The following PRR35 variants were observed in gnomAD, a reference collection of about 807,000 sequenced individuals.
The protein encoded by PRR35 is proline rich 35.
In PRR35, 14 loss-of-function variants were observed where a neutral mutation model predicts 18.6. The observed-to-expected ratio is 0.75, with a 90% confidence interval of 0.50 to 1.18. PRR35 has a LOEUF of 1.18. Ranked by LOEUF, PRR35 falls within the 50% of genes most tolerant of loss-of-function variation. PRR35 has a pLI of 0.00. For synonymous variants in PRR35, 425 were observed against 378.2 expected (o/e 1.12, Z -1.43); for missense variants, 832 against 792.2 (o/e 1.05, Z -0.60).
intron 1 of PRR35, among the ~76,000 whole-genome samples, chr16:561,922 C>T (rs962044296): frequency 3.3e-5 from 5 of 152,176 alleles, no homozygotes; most frequent in African/African-American, 9.7e-5. Flanking sequence ...GACAAGCAGC[C>T]GTGTTCACCG....
Position 563,836 on chromosome 16 carries a change from C to A in PRR35, c.542C>A (p.Ala181Glu), listed in dbSNP as rs2035484228. The A allele has an allele frequency of 2.0e-6, 3 of 1,515,686 alleles. No individual in the cohort carries two copies. The African/African-American group carries it at 4.1e-5, about 21-fold the overall frequency. 93.9% of individuals were successfully genotyped at this position (1,515,686 alleles called of 1,614,324 possible). A position where few individuals can be genotyped will look rare whatever the true frequency, so the allele number is the denominator to read the frequency against. ...GTGGGTGCGGGGGACATGGCCTCAG[C>A]AGGCCCTGAGGGCAGCGTCCCCTGC... ...RGVGAGDMAS[A>E]GPEGSVPCYP... Residue 181 changes from alanine to glutamate, a missense_variant, in exon 2 of 3, where the codon GCA (alanine) becomes GAA (glutamate). This residue lies in a region of PRR35 where 768 missense variants were observed against 704.1 expected (regional missense o/e 1.09). Coordinates refer to ENST00000409413, the MANE Select transcript of PRR35 (RefSeq NM_145270.3).
chr16:563,947 G>T lies in PRR35; in HGVS notation c.653G>T (p.Gly218Val). 1 of 1,597,202 alleles carries T rather than the reference G, an allele frequency of 6.3e-7. No individual in the cohort carries two copies. Reference protein sequence around the residue: ...LLGVNYPLSPGLFSYLGPSLA... With the variant: ...LLGVNYPLSPVLFSYLGPSLA... ...GGCGTCAACTACCCGCTCAGCCCCG[G>T]CCTCTTCTCCTACTTGGGGCCCTCA... The change falls in exon 2 of 3, where the codon GGC becomes GTC. Residue 218 changes from glycine to valine, a missense_variant. This residue lies in a region of PRR35 where 768 missense variants were observed against 704.1 expected (regional missense o/e 1.09). Coordinates refer to ENST00000409413, the MANE Select transcript of PRR35 (RefSeq NM_145270.3).
Position 565,442 on chromosome 16 carries a change from C to A in PRR35, c.*135C>A. The A allele has an allele frequency of 1.1e-6, 1 of 938,442 alleles. No individual in the cohort carries two copies. The highest frequency in any genetic ancestry group is 1.5e-6 in the Non-Finnish European group (1 of 684,154). The allele number at this position is 938,442 out of a possible 1,614,324, so 58.1% of individuals were successfully genotyped here. A position where few individuals can be genotyped will look rare whatever the true frequency, so the allele number is the denominator to read the frequency against. On this transcript the variant is annotated 3_prime_UTR_variant, in exon 3 of 3. Coordinates refer to ENST00000409413, the MANE Select transcript of PRR35 (RefSeq NM_145270.3). ...ATAGACCCCCACGGGCCGTGGCCAA[C>A]GCTTGTCCCTGGGGCCACACAGGGA...
At position 565,398 on chromosome 16, in the gene PRR35, C is replaced by A; in HGVS notation, c.*91C>A. The A allele has an allele frequency of 7.6e-7, 1 of 1,319,462 alleles. No homozygotes were observed. The highest frequency in any genetic ancestry group is 1.6e-5 in the South Asian group (1 of 60,686). The allele number at this position is 1,319,462 out of a possible 1,614,324, so 81.7% of individuals were successfully genotyped here. A position where few individuals can be genotyped will look rare whatever the true frequency, so the allele number is the denominator to read the frequency against. On this transcript the variant is annotated 3_prime_UTR_variant, in exon 3 of 3. Transcript: ENST00000409413. ...CCCCTCACCTGCCTGGGACCTGCCCCGCCTCCGCATGCATGTGGATAGACC... is the reference window on the plus strand; with the variant it reads ...CCCCTCACCTGCCTGGGACCTGCCCAGCCTCCGCATGCATGTGGATAGACC...
intron 2 of PRR35, 132 bp downstream of exon 2, chr16:564,508 A>T: frequency 7.0e-7 from 1 of 1,425,226 alleles, no homozygotes; most frequent in South Asian, 1.4e-5. Context: ...GCTCCAGGCC[A>T]CAGAGGGGAA....
chr16:560,758 G>A (rs1200189419), intron 1 of PRR35, 97 bp downstream of exon 1: 4 of 906,112 alleles, frequency 4.4e-6, no homozygotes, highest in East Asian at 1.2e-4. Context: ...CGTGTGGGGG[G>A]CGCGGGGGGC....
chr16:563,160 C>G (rs1208532090), intron 1 of PRR35, 96 bp from the exon 2 acceptor site: 7 of 1,251,110 alleles, frequency 5.6e-6, no homozygotes, highest in Non-Finnish European at 6.4e-6. Flanking sequence ...GGGGAGCACC[C>G]AGGCTCCAGT....
chr16:565,151 G>A lies in PRR35; in HGVS notation c.1560G>A (p.Glu520=), dbSNP rs1480114665. The change falls in exon 3 of 3, where the codon GAG becomes GAA. Residue 520 remains glutamate (E), a synonymous_variant. Transcript: ENST00000409413. ...QPFSGHTTKC[E]ADSSVPPPGL... is the part of the protein sequence containing the mutation. ...TCTCTGGCCACACCACCAAGTGTGA[G>A]GCCGACTCCAGCGTCCCACCCCCAG... The A allele has an allele frequency of 1.2e-6, 2 of 1,610,078 alleles. No homozygotes were observed. The highest frequency in any genetic ancestry group is 1.7e-6 in the Non-Finnish European group (2 of 1,178,766).
intron 1 of PRR35, 192 bp downstream of exon 1, chr16:560,853 G>T (rs1275010895): frequency 1.7e-5 from 3 of 177,124 alleles, no homozygotes; most frequent in Non-Finnish European, 3.3e-5. Context: ...GGCGGGGAGG[G>T]CAGGGGCCGG....
Position 563,649 on chromosome 16 carries a change from G to T in PRR35, c.355G>T (p.Ala119Ser). The change falls in exon 2 of 3, where the codon GCC (alanine) becomes TCC (serine). Residue 119 changes from alanine to serine, a missense_variant. By Grantham distance (99) the Ala-to-Ser change is moderately conservative. Transcript: ENST00000409413. Reference protein sequence around the residue: ...GAAPAPDLVVADIHSLHCGGG... With the variant: ...GAAPAPDLVVSDIHSLHCGGG... ...TGCCCCCGCGCCTGACCTCGTGGTC[G>T]CCGACATCCACTCCCTGCACTGTGG... is the stretch of plus-strand genomic sequence containing the variant. 1 of 1,575,892 alleles carries T rather than the reference G, an allele frequency of 6.3e-7. No individual in the cohort carries two copies.
In PRR35 at chr16:563,651, C is replaced by G; in HGVS notation, c.357C>G (p.Ala119=). ...CCCCCGCGCCTGACCTCGTGGTCGC[C>G]GACATCCACTCCCTGCACTGTGGCG... is the stretch of plus-strand genomic sequence containing the variant. ...GAAPAPDLVV[A]DIHSLHCGGG... Residue 119 remains alanine (A), a synonymous_variant, in exon 2 of 3, where the codon GCC becomes GCG. Coordinates refer to ENST00000409413, the MANE Select transcript of PRR35 (RefSeq NM_145270.3). 1 of 1,575,908 alleles carries G rather than the reference C, an allele frequency of 6.3e-7. No individual in the cohort carries two copies. Among genetic ancestry groups the G allele is most frequent in the Non-Finnish European group, 8.6e-7 (1 of 1,167,916 alleles).
Position 560,530 on chromosome 16 carries a change from C to A in PRR35, c.-171C>A. The A allele has an allele frequency of 1.0e-6, 1 of 982,936 alleles. No individual in the cohort carries two copies. The highest frequency in any genetic ancestry group is 1.2e-6 in the Non-Finnish European group (1 of 828,896). 60.9% of individuals were successfully genotyped at this position (982,936 alleles called of 1,614,324 possible). On this transcript the variant is annotated 5_prime_UTR_variant, in exon 1 of 3. Coordinates refer to ENST00000409413, the MANE Select transcript of PRR35 (RefSeq NM_145270.3). ...GCCTCAGTTTCCCCCACGGGAGCCGCATCCCACCCCCAGAGCCCCAGCGCG... is the reference window on the plus strand; with the variant it reads ...GCCTCAGTTTCCCCCACGGGAGCCGAATCCCACCCCCAGAGCCCCAGCGCG...
chr16:565,032 G>C lies in PRR35; in HGVS notation c.1441G>C (p.Gly481Arg). The change falls in exon 3 of 3, where the codon GGA becomes CGA. Residue 481 changes from glycine to arginine, a missense_variant. By Grantham distance (125) the Gly-to-Arg change is moderately radical. Coordinates refer to ENST00000409413, the MANE Select transcript of PRR35 (RefSeq NM_145270.3). ...GCCCGCCAAGGGGCCCCAGGCTCTTGGAGAGGCGTGGGGGCGGCCCGAGCT... is the reference window on the plus strand; with the variant it reads ...GCCCGCCAAGGGGCCCCAGGCTCTTCGAGAGGCGTGGGGGCGGCCCGAGCT... ...RAPAKGPQAL[G>R]EAWGRPELGP... 6.2e-7 allele frequency: 1 copy of C among 1,601,402 alleles called. No individual in the cohort carries two copies. Among genetic ancestry groups the C allele is most frequent in the South Asian group, 1.1e-5 (1 of 89,474 alleles).
rs760471816 is a variant in PRR35 at position 564,989 on chromosome 16, C to G, written c.1398C>G (p.Asp466Glu). The G allele has an allele frequency of 1.2e-6, 2 of 1,607,838 alleles. No homozygotes were observed. The highest frequency in any genetic ancestry group is 1.7e-6 in the Non-Finnish European group (2 of 1,178,378). The change falls in exon 3 of 3, where the codon GAC (aspartate) becomes GAG (glutamate). Residue 466 changes from aspartate (D) to glutamate (E), a missense_variant. Around this residue, in one of 3 missense-constraint regions of PRR35, gnomAD observed 768 missense variants for 704.1 expected, o/e 1.09. Transcript: ENST00000409413. ...TGAGGCCGCCAGACGCACCCCTCGA[C>G]CTCTCTGTGAAACGTGCGCCCGCCA... The part of the protein sequence containing the change: ...QAVRPPDAPL[D>E]LSVKRAPAKG...
chr16:565,145 G>C lies in PRR35; in HGVS notation c.1554G>C (p.Lys518Asn), dbSNP rs755246578. The C allele has an allele frequency of 6.2e-7, 1 of 1,609,834 alleles. No individual in the cohort carries two copies. The highest frequency in any genetic ancestry group is 8.5e-7 in the Non-Finnish European group (1 of 1,178,570). Residue 518 changes from lysine (K) to asparagine (N), a missense_variant, in exon 3 of 3, where the codon AAG (lysine) becomes AAC (asparagine). This residue lies in a region of PRR35 where 768 missense variants were observed against 704.1 expected (regional missense o/e 1.09). Coordinates refer to ENST00000409413, the MANE Select transcript of PRR35 (RefSeq NM_145270.3). Reference protein sequence around the residue: ...APQPFSGHTTKCEADSSVPPP... With the variant: ...APQPFSGHTTNCEADSSVPPP... ...AACCCTTCTCTGGCCACACCACCAAGTGTGAGGCCGACTCCAGCGTCCCAC... is the reference window on the plus strand; with the variant it reads ...AACCCTTCTCTGGCCACACCACCAACTGTGAGGCCGACTCCAGCGTCCCAC...
At chr16:560,710 C>A in intron 1 of PRR35, 49 bp downstream of exon 1, 3 of 974,262 alleles carry the variant, frequency 3.1e-6, no homozygotes, top group Non-Finnish European at 3.7e-6. Flanking sequence ...GTCGCGGGGC[C>A]GGCTGGACGC....
In PRR35 at chr16:560,813, G is replaced by A. The variant is rs566537372; in HGVS notation, c.-40+152G>A. 2,304 of 611,646 alleles carry A rather than the reference G, an allele frequency of 3.8e-3. 10 individuals are homozygous for A. Among genetic ancestry groups the A allele is most frequent in the Non-Finnish European group, 4.2e-3 (2,068 of 491,946 alleles). 37.9% of individuals were successfully genotyped at this position (611,646 alleles called of 1,614,324 possible). On this transcript the variant is annotated intron_variant, in intron 1 of 2. Transcript: ENST00000409413. ...TCTTCTCGAAGTCCAGGAGCAGCGC[G>A]GGGGGAGGGAGGGCCGCCCTCAGGG...
At position 565,093 on chromosome 16, in the gene PRR35, C is replaced by T; in HGVS notation, c.1502C>T (p.Pro501Leu). ...TTGACCGGGGGCACCCCCGAGCCAC[C>T]CGGCATGCTGGGCCCTGCAGCGCCC... is the stretch of plus-strand genomic sequence containing the variant. Reference protein sequence around the residue: ...PVLTGGTPEPPGMLGPAAPQP... With the variant: ...PVLTGGTPEPLGMLGPAAPQP... Residue 501 changes from proline (P) to leucine (L), a missense_variant, in exon 3 of 3, where the codon CCC becomes CTC. Pro to Leu is a moderately conservative substitution (Grantham distance 98). This residue lies in a region of PRR35 where 768 missense variants were observed against 704.1 expected (regional missense o/e 1.09). Transcript: ENST00000409413. 1 of 1,594,824 alleles carries T rather than the reference C, an allele frequency of 6.3e-7. No individual in the cohort carries two copies. Among genetic ancestry groups the T allele is most frequent in the Non-Finnish European group, 8.5e-7 (1 of 1,169,952 alleles).
upstream of PRR35, chr16:559,841 G>A: frequency 2.5e-6 from 2 of 803,242 alleles, no homozygotes; most frequent in Non-Finnish European, 3.0e-6. Context: ...AAAAGAGAAC[G>A]GAGGGCAGGG....
Sources: gnomAD v4.1 joint callset for allele counts (sites outside exome capture counted in the v4.1 genomes callset) on GRCh38, gnomAD v4.1.1 for gene constraint, gnomAD v4.1.1 regional missense constraint, MANE v1.5 for transcripts, NCBI Gene and HGNC (gene_info 2026-07-23, HGNC 2026-07-21) for gene names.